The following ANKS3 variants were observed in gnomAD, a reference collection of about 807,000 sequenced individuals.
ANKS3 encodes the protein ankyrin repeat and SAM domain-containing protein 3.
Under a neutral mutation model 80.7 loss-of-function variants are expected in ANKS3, and 62 were observed. The ratio of observed to expected loss-of-function variants is 0.77; its 90% CI spans 0.63 to 0.95. The LOEUF (loss-of-function observed/expected upper bound fraction) is 0.95, where lower values mean the gene tolerates loss of function less well. ANKS3 is among the 40% of genes least tolerant of loss of function. The probability of loss-of-function intolerance (pLI) is 0.00; values close to 1 mark genes in which losing one functional copy is unlikely to be tolerated. For missense variants in ANKS3, 1,150 were observed against 883.6 expected, an observed-to-expected ratio of 1.30 and a Z score of -3.82; for synonymous variants, 489 against 355.3, an observed-to-expected ratio of 1.38 and a Z score of -4.23.
chr16:4,701,770 T>G, intron 9 of ANKS3: 1 of 522,514 alleles, frequency 1.9e-6, no homozygotes, highest in Non-Finnish European at 3.4e-6. Context: ...GAGCAGTGCT[T>G]GGCACACGGT....
chr16:4,703,588 T>C (rs2080032806), intron 8 of ANKS3, among the ~76,000 whole-genome samples: 1 of 152,016 alleles, frequency 6.6e-6, no homozygotes, highest in African/African-American at 2.4e-5. Flanking sequence ...GCCCAGCTAA[T>C]TTTTGCATTT....
Position 4,698,279 on chromosome 16 carries a change from A to G in ANKS3, c.1724+148T>C. ...CTGCCTGGGTCTGCCTGCAGGAAGG[A>G]AGGGCCTGATGAAATGGGGGTGGGG... is the stretch of plus-strand genomic sequence containing the variant. On this transcript the variant is annotated intron_variant, in intron 14 of 17. Transcript: ENST00000304283. The G allele has an allele frequency of 3.2e-6, 4 of 1,238,646 alleles. No individual in the cohort carries two copies. The South Asian group carries it at 6.3e-5, about 20-fold the overall frequency. The allele number at this position is 1,238,646 out of a possible 1,614,324, so 76.7% of individuals were successfully genotyped here.
chr16:4,729,924 C>T (rs77607458), intron 3 of ANKS3, 56 bp downstream of exon 3: 8 of 1,389,198 alleles, frequency 5.8e-6, no homozygotes, highest in East Asian at 5.3e-5. Flanking sequence ...CACGTGGGAT[C>T]GAAGCCATCA....
At chr16:4,724,362 G>C (rs926944791) in intron 6 of ANKS3, among the ~76,000 whole-genome samples, 3 of 152,194 alleles carry the variant, frequency 2.0e-5, no homozygotes, top group Non-Finnish European at 4.4e-5. Context: ...TTCCACAGCA[G>C]AGGAAAAGTC....
chr16:4,714,325 G>C, intron 6 of ANKS3, 139 bp from the exon 7 acceptor site: 1 of 1,278,506 alleles, frequency 7.8e-7, no homozygotes, highest in Non-Finnish European at 1.1e-6. Flanking sequence ...ATCTGCATGA[G>C]AAAGAGGCAG....
At chr16:4,730,261 G>A (rs859302) in intron 2 of ANKS3, 110 bp from the exon 3 acceptor site, 644,835 of 1,101,860 alleles carry the variant, frequency 0.59, 189,376 homozygotes, top group East Asian at 0.68. Flanking sequence ...TGATAACCCA[G>A]TGCAGTCAAC....
chr16:4,701,027 T>C lies in ANKS3; in HGVS notation c.1227A>G (p.Glu409=). The C allele has an allele frequency of 1.2e-6, 2 of 1,614,110 alleles. No individual in the cohort carries two copies. Among genetic ancestry groups the C allele is most frequent in the Non-Finnish European group, 1.7e-6 (2 of 1,180,012 alleles). Residue 409 remains glutamate, a synonymous_variant, in exon 11 of 18, where the codon GAA becomes GAG. Transcript: ENST00000304283. Reference sequence around the variant, plus strand: ...GGGGGCTGGACTCAGCGAGAAAGCCTTCCCTGTCAGTTGCAGCGCGGGGAG... The same window carrying C: ...GGGGGCTGGACTCAGCGAGAAAGCCCTCCCTGTCAGTTGCAGCGCGGGGAG... The part of the protein sequence containing the change: ...QWPPRAATDR[E]GFLAESSPQT...
rs114890315 is a variant in ANKS3 at position 4,727,430 on chromosome 16, C to T, written c.171-253G>A. 2.6e-3 allele frequency: 1,438 copies of T among 558,324 alleles called. 21 individuals carry two copies. The highest frequency in any genetic ancestry group is 0.025 in the African/African-American group (1,309 of 53,174). 34.6% of individuals were successfully genotyped at this position (558,324 alleles called of 1,614,324 possible). Reference sequence around the variant, plus strand: ...TCCTCCTAGCCCAAGGCCAGCTATGCTCTTTCACACCACCAGATAGGCAGA... The same window carrying T: ...TCCTCCTAGCCCAAGGCCAGCTATGTTCTTTCACACCACCAGATAGGCAGA... On this transcript the variant is annotated intron_variant, in intron 3 of 17. Transcript: ENST00000304283.
chr16:4,700,765 G>T, intron 11 of ANKS3: 1 of 788,528 alleles, frequency 1.3e-6, no homozygotes, highest in East Asian at 2.5e-5. Context: ...TCCTTTCCGT[G>T]GAGAGGAACA....
chr16:4,714,990 CAAAAAA>C (rs753327026), intron 6 of ANKS3, among the ~76,000 whole-genome samples: 2 of 36,616 alleles, frequency 5.5e-5, no homozygotes, highest in African/African-American at 3.0e-4. Flanking sequence ...GACTCTGTCT[CAAAAAA>C]AAAAAAAAAA....
At chr16:4,700,808 T>C (rs1027674995) in intron 11 of ANKS3, 162 bp downstream of exon 11, 8 of 950,850 alleles carry the variant, frequency 8.4e-6, no homozygotes, top group Admixed American at 6.8e-5. Context: ...CTGCCAGCCA[T>C]GGAGCCGGCT....
intron 1 of ANKS3, 36 bp from the exon 2 acceptor site, chr16:4,731,615 T>G (rs868636782): frequency 4.4e-6 from 4 of 914,078 alleles, no homozygotes; most frequent in Non-Finnish European, 3.9e-6. Context: ...TTTTCTGGAA[T>G]GGTTATGAAA....
intron 2 of ANKS3, among the ~76,000 whole-genome samples, chr16:4,730,684 T>G (rs2081569614): frequency 6.6e-6 from 1 of 152,154 alleles, no homozygotes; most frequent in East Asian, 1.9e-4. Flanking sequence ...CTGGCCAACA[T>G]GGTGAAATCC....
rs937362492 is a variant in ANKS3 at position 4,699,283 on chromosome 16, A to G, written c.1285-107T>C. The G allele has an allele frequency of 1.0e-5, 15 of 1,456,782 alleles. No homozygotes were observed. The South Asian group carries it at 1.9e-4, about 19-fold the overall frequency. 90.2% of individuals were successfully genotyped at this position (1,456,782 alleles called of 1,614,324 possible). ...ACTTCCCCAGGCTCAGAACCAAGACAGTGCCTTGTGTGTGGCGCCCAGGCT... is the reference window on the plus strand; with the variant it reads ...ACTTCCCCAGGCTCAGAACCAAGACGGTGCCTTGTGTGTGGCGCCCAGGCT... On this transcript the variant is annotated intron_variant, in intron 11 of 17. Coordinates refer to ENST00000304283, the MANE Select transcript of ANKS3 (RefSeq NM_133450.4).
At chr16:4,699,375 G>A in intron 11 of ANKS3, 199 bp from the exon 12 acceptor site, 1 of 659,052 alleles carries the variant, frequency 1.5e-6, no homozygotes, top group Non-Finnish European at 2.6e-6. Flanking sequence ...TCACACTATG[G>A]TCGGCCACGT....
rs757123927 is a variant in ANKS3, at chr16:4,726,718, G to A, written c.432C>T (p.Ser144=). The change falls in exon 5 of 18, where the codon AGC becomes AGT. Residue 144 remains serine, a synonymous_variant. Coordinates refer to ENST00000304283, the MANE Select transcript of ANKS3 (RefSeq NM_133450.4). ...ACCTGACCATGTGCTGGTGCCCGGC[G>A]CTGGTACAGTGGAAGAGGGCTGTCC... ...QGWTALFHCT[S]AGHQHMVRFL... 3 of 1,614,096 alleles carry A rather than the reference G, an allele frequency of 1.9e-6. No homozygotes were observed. The highest frequency in any genetic ancestry group is 2.5e-6 in the Non-Finnish European group (3 of 1,180,040).
intron 6 of ANKS3, among the ~76,000 whole-genome samples, chr16:4,718,844 A>G (rs2080941693): frequency 6.6e-6 from 1 of 152,200 alleles, no homozygotes; most frequent in Non-Finnish European, 1.5e-5. Flanking sequence ...ATTTTGTGTG[A>G]CTGGGAAAGA....
At chr16:4,733,762 C>G (rs1046525852) in intron 1 of ANKS3, among the ~76,000 whole-genome samples, 176 bp downstream of exon 1, 1 of 152,164 alleles carries the variant, frequency 6.6e-6, no homozygotes, top group Non-Finnish European at 1.5e-5. Flanking sequence ...TACGTACCCA[C>G]AAAAATTAAA....
Position 4,696,810 on chromosome 16 carries a change from G to T in ANKS3, c.*98C>A. 1 of 608,644 alleles carries T rather than the reference G, an allele frequency of 1.6e-6. No individual in the cohort carries two copies. Among genetic ancestry groups the T allele is most frequent in the South Asian group, 1.9e-5 (1 of 51,680 alleles). The allele number at this position is 608,644 out of a possible 1,614,324, so 37.7% of individuals were successfully genotyped here. ...TGATCCTCTGGCCCCCACTGGGCCT[G>T]GGCTGCACATGGCAGCTACCTGCTC... On this transcript the variant is annotated 3_prime_UTR_variant, in exon 18 of 18. Coordinates refer to ENST00000304283, the MANE Select transcript of ANKS3 (RefSeq NM_133450.4).
Sources: allele counts gnomAD v4.1 joint callset (sites outside exome capture counted in the v4.1 genomes callset), GRCh38; gene constraint gnomAD v4.1.1; transcripts MANE v1.5; gene names NCBI Gene and HGNC (gene_info 2026-07-23, HGNC 2026-07-21).